ROBO2: variants seen among roughly 807,000 people sequenced by gnomAD.
ROBO2 encodes the protein roundabout guidance receptor 2.
A neutral mutation model predicts 160.8 loss-of-function variants in ROBO2; 53 were observed. The observed-to-expected ratio is 0.33, with a 90% CI of 0.26 to 0.41. The LOEUF is 0.41. ROBO2 is among the 10% of genes least tolerant of loss of function. ROBO2 has a pLI of 1.00. For synonymous variants in ROBO2, 664 were observed against 611.7 expected (o/e 1.09, Z -1.26); for missense variants, 1,577 against 1,722.4 (o/e 0.92, Z 1.49).
intron 2 of ROBO2, among the ~76,000 whole-genome samples, chr3:76,751,370 T>C (rs2060634649): frequency 6.6e-6 from 1 of 152,000 alleles, no homozygotes; most frequent in African/African-American, 2.4e-5. Flanking sequence ...ACCTAGGCAA[T>C]ACCATTCAGG....
intron 2 of ROBO2, among the ~76,000 whole-genome samples, chr3:77,147,935 G>A (rs1215789989): frequency 1.3e-5 from 2 of 152,306 alleles, no homozygotes; most frequent in East Asian, 3.9e-4. Context: ...ATACCTTGAA[G>A]AACTTCAAGC....
At chr3:77,325,964 T>C (rs1307692313) in intron 2 of ROBO2, among the ~76,000 whole-genome samples, 3 of 152,238 alleles carry the variant, frequency 2.0e-5, no homozygotes, top group African/African-American at 7.2e-5. Flanking sequence ...TTGAAGATCC[T>C]AGATTCATAG....
intron 2 of ROBO2, among the ~76,000 whole-genome samples, chr3:76,196,281 T>G (rs1441053905): frequency 6.6e-6 from 1 of 152,194 alleles, no homozygotes; most frequent in Non-Finnish European, 1.5e-5. Flanking sequence ...GGTATTTACC[T>G]GGCACTATCC....
At chr3:76,560,705 T>C (rs1389046042) in intron 2 of ROBO2, among the ~76,000 whole-genome samples, 2 of 150,726 alleles carry the variant, frequency 1.3e-5, no homozygotes, top group Non-Finnish European at 3.0e-5. Context: ...CCCCCACATA[T>C]TAACTGCTTT....
intron 2 of ROBO2, among the ~76,000 whole-genome samples, chr3:77,422,745 G>C (rs2077826675): frequency 6.6e-6 from 1 of 152,060 alleles, no homozygotes; most frequent in African/African-American, 2.4e-5. Context: ...ACAGTGATTT[G>C]CACCTATTTT....
intron 2 of ROBO2, among the ~76,000 whole-genome samples, chr3:77,348,546 A>G (rs963363057): frequency 7.9e-5 from 12 of 152,130 alleles, no homozygotes; most frequent in Admixed American, 7.2e-4. Context: ...GACTAACTGT[A>G]TGGGAATACA....
At chr3:76,272,534 G>A (rs1178548903) in intron 2 of ROBO2, among the ~76,000 whole-genome samples, 3 of 150,050 alleles carry the variant, frequency 2.0e-5, no homozygotes, top group African/African-American at 4.9e-5. Flanking sequence ...GTGGTGGCGC[G>A]TGCCTGTAAT....
At chr3:76,977,366 A>G (rs2059864119) in intron 2 of ROBO2, among the ~76,000 whole-genome samples, 1 of 152,208 alleles carries the variant, frequency 6.6e-6, no homozygotes, top group Admixed American at 6.5e-5. Flanking sequence ...GAGAGGGTGA[A>G]TGGTCAGCAG....
At chr3:77,127,416 A>G (rs1054155900) in intron 2 of ROBO2, among the ~76,000 whole-genome samples, 2 of 152,100 alleles carry the variant, frequency 1.3e-5, no homozygotes. Context: ...CATGTCTTTT[A>G]TTATAGATAT....
chr3:76,826,380 G>C (rs1245606502), intron 2 of ROBO2, among the ~76,000 whole-genome samples: 1 of 152,074 alleles, frequency 6.6e-6, no homozygotes, highest in Non-Finnish European at 1.5e-5. Flanking sequence ...CAGAGATATG[G>C]TTGTAGTAGT....
intron 2 of ROBO2, among the ~76,000 whole-genome samples, chr3:76,113,486 G>C (rs1181984248): frequency 6.6e-6 from 1 of 152,108 alleles, no homozygotes; most frequent in Non-Finnish European, 1.5e-5. Flanking sequence ...TGTGTGAGCA[G>C]ACTCTGAGTA....
intron 9 of ROBO2, among the ~76,000 whole-genome samples, chr3:77,559,470 A>T (rs1367952688): frequency 6.6e-6 from 1 of 152,136 alleles, no homozygotes; most frequent in Non-Finnish European, 1.5e-5. Context: ...ACTAAGGTAG[A>T]TGATGTAATA....
chr3:76,418,275 TG>T (rs2075839181), intron 2 of ROBO2, among the ~76,000 whole-genome samples: 1 of 151,212 alleles, frequency 6.6e-6, no homozygotes, highest in Non-Finnish European at 1.5e-5. Context: ...GATGGAGTCT[TG>T]TTCTGCCGCC....
chr3:77,257,633 GA>G (rs1423115841), intron 2 of ROBO2, among the ~76,000 whole-genome samples: 1 of 152,186 alleles, frequency 6.6e-6, no homozygotes, highest in African/African-American at 2.4e-5. Context: ...TGTAAACAGT[GA>G]AAAACCCTTT....
intron 2 of ROBO2, among the ~76,000 whole-genome samples, chr3:76,057,848 T>A (rs1354967563): frequency 6.6e-6 from 1 of 152,204 alleles, no homozygotes; most frequent in Non-Finnish European, 1.5e-5. Context: ...TTGTTCCTAA[T>A]CTCATACCAT....
intron 2 of ROBO2, among the ~76,000 whole-genome samples, chr3:76,811,458 C>T (rs2065150876): frequency 6.6e-6 from 1 of 152,106 alleles, no homozygotes; most frequent in South Asian, 2.1e-4. Flanking sequence ...CAACTATTCT[C>T]TTTGCTCATC....
chr3:77,476,026 C>A (rs2083953125), intron 2 of ROBO2, among the ~76,000 whole-genome samples: 2 of 152,234 alleles, frequency 1.3e-5, no homozygotes, highest in South Asian at 4.1e-4. Context: ...CAATAAGAGA[C>A]AAGGTGCTCT....
intron 2 of ROBO2, among the ~76,000 whole-genome samples, chr3:76,082,885 G>A (rs2068880328): frequency 1.3e-5 from 2 of 152,000 alleles, no homozygotes; most frequent in South Asian, 4.1e-4. Context: ...TTTTCAAAAT[G>A]TGAGCTGATG....
intron 1 of ROBO2, among the ~76,000 whole-genome samples, chr3:77,054,901 G>A (rs913441404): frequency 4.7e-5 from 7 of 149,756 alleles, no homozygotes; most frequent in African/African-American, 1.7e-4. Context: ...ACAGAGAGGC[G>A]CCTGCAGTCC....
Sources: allele counts gnomAD v4.1 joint callset (sites outside exome capture counted in the v4.1 genomes callset), GRCh38; gene constraint gnomAD v4.1.1; transcripts MANE v1.5; gene names NCBI Gene and HGNC (gene_info 2026-07-23, HGNC 2026-07-21).